ASIC2: variants seen among roughly 807,000 people sequenced by gnomAD.
ASIC2 encodes acid-sensing ion channel 2.
Under a neutral mutation model 57.3 loss-of-function variants are expected in ASIC2, and 25 were observed. The observed-to-expected ratio is 0.44, with a 90% CI of 0.32 to 0.61. The LOEUF (loss-of-function observed/expected upper bound fraction) is 0.61. Ranked by LOEUF, ASIC2 falls within the 20% of genes least tolerant of loss-of-function variation. The probability of loss-of-function intolerance (pLI) is 0.06; values close to 1 mark genes in which losing one functional copy is unlikely to be tolerated. For missense variants in ASIC2, 641 were observed against 738.1 expected (o/e 0.87, Z 1.52); for synonymous variants, 319 against 307.5 (o/e 1.04, Z -0.39).
chr17:33,192,456 C>A (rs571272163), intron 1 of ASIC2, among the ~76,000 whole-genome samples: 1 of 144,672 alleles, frequency 6.9e-6, no homozygotes, highest in Non-Finnish European at 1.5e-5. Context: ...AAACAAAACA[C>A]AACCAAAAAA....
At chr17:33,914,433 C>T (rs1175497765) in intron 1 of ASIC2, among the ~76,000 whole-genome samples, 1 of 152,096 alleles carries the variant, frequency 6.6e-6, no homozygotes, top group Non-Finnish European at 1.5e-5. Context: ...GCAATAGAGG[C>T]CCTGACAAAA....
intron 3 of ASIC2, among the ~76,000 whole-genome samples, chr17:33,086,812 T>C (rs1293115872): frequency 4.6e-5 from 7 of 152,184 alleles, no homozygotes; most frequent in Admixed American, 4.6e-4. Context: ...GGTAGGAGCC[T>C]AACTAACTTC....
intron 1 of ASIC2, among the ~76,000 whole-genome samples, chr17:33,944,411 A>T (rs1036092407): frequency 6.6e-6 from 1 of 152,222 alleles, no homozygotes; most frequent in Non-Finnish European, 1.5e-5. Flanking sequence ...CTTGATCATT[A>T]GGAATGCACC....
intron 1 of ASIC2, among the ~76,000 whole-genome samples, chr17:33,695,431 TA>T (rs869263561): frequency 1.3e-5 from 2 of 152,178 alleles, no homozygotes; most frequent in Non-Finnish European, 2.9e-5. Context: ...GTAGTTTTTT[TA>T]AAAAATTAAA....
At chr17:33,690,832 C>T (rs1345876887) in intron 1 of ASIC2, among the ~76,000 whole-genome samples, 3 of 147,982 alleles carry the variant, frequency 2.0e-5, no homozygotes, top group Non-Finnish European at 4.4e-5. Context: ...TCACTGCAAG[C>T]TCCACCTCCC....
At chr17:33,083,176 C>T (rs1226358944) in intron 3 of ASIC2, among the ~76,000 whole-genome samples, 2 of 152,144 alleles carry the variant, frequency 1.3e-5, no homozygotes, top group Non-Finnish European at 2.9e-5. Context: ...CAACAACTCA[C>T]ATTTATGGAT....
chr17:34,113,003 A>C (rs1234428395), intron 1 of ASIC2, among the ~76,000 whole-genome samples: 1 of 152,160 alleles, frequency 6.6e-6, no homozygotes, highest in Non-Finnish European at 1.5e-5. Flanking sequence ...TCAGACATGA[A>C]ACACATTCAT....
At chr17:34,037,060 A>G (rs1907916154) in intron 1 of ASIC2, 1 of 152,668 alleles carries the variant, frequency 6.6e-6, no homozygotes, top group Non-Finnish European at 1.5e-5. Context: ...ATGTTTTTAA[A>G]AATTGAAATT....
chr17:33,676,691 A>C (rs112016195), intron 1 of ASIC2, among the ~76,000 whole-genome samples: 6,172 of 152,354 alleles, frequency 0.041, 315 homozygotes, highest in African/African-American at 0.12. Flanking sequence ...CCATCTCCAC[A>C]ACATAAAAGT....
intron 1 of ASIC2, among the ~76,000 whole-genome samples, chr17:33,585,226 G>GCAAGAGCCAGGCAGGC (rs1253436400): frequency 5.3e-5 from 4 of 75,302 alleles, no homozygotes; most frequent in Admixed American, 4.9e-4. Context: ...TTGAATCAGG[G>GCAAGAGCCAGGCAGGC]CAAGAGCCAG....
At chr17:33,886,045 G>A (rs537601921) in intron 1 of ASIC2, among the ~76,000 whole-genome samples, 1 of 152,256 alleles carries the variant, frequency 6.6e-6, no homozygotes, top group East Asian at 1.9e-4. Context: ...TATCAGTCAG[G>A]ATCAATAAAA....
At chr17:33,416,508 C>G (rs914241395) in intron 1 of ASIC2, among the ~76,000 whole-genome samples, 1 of 152,140 alleles carries the variant, frequency 6.6e-6, no homozygotes, top group African/African-American at 2.4e-5. Flanking sequence ...GGAGGGCAGT[C>G]CCTGATAGGA....
chr17:33,356,683 C>T (rs1192760546), intron 1 of ASIC2, among the ~76,000 whole-genome samples: 1 of 152,172 alleles, frequency 6.6e-6, no homozygotes, highest in Non-Finnish European at 1.5e-5. Context: ...ACCCAGTGCA[C>T]TCAGGGCCAA....
chr17:33,117,380 TG>T (rs2092285397), intron 1 of ASIC2, among the ~76,000 whole-genome samples: 1 of 152,084 alleles, frequency 6.6e-6, no homozygotes, highest in African/African-American at 2.4e-5. Context: ...TTCACCATGT[TG>T]GCCAGGCTGG....
chr17:33,565,857 AC>A (rs1916217898), intron 1 of ASIC2: 1 of 152,236 alleles, frequency 6.6e-6, no homozygotes, highest in South Asian at 2.1e-4. Context: ...TGAAGGTGAA[AC>A]CAGCACTGAG....
At chr17:33,225,788 A>G (rs1210183780) in intron 1 of ASIC2, among the ~76,000 whole-genome samples, 1 of 152,244 alleles carries the variant, frequency 6.6e-6, no homozygotes, top group East Asian at 1.9e-4. Context: ...CTCAGCCACC[A>G]GCAGCCAGGA....
At chr17:33,436,763 G>C (rs546459676) in intron 1 of ASIC2, among the ~76,000 whole-genome samples, 1 of 151,638 alleles carries the variant, frequency 6.6e-6, no homozygotes, top group African/African-American at 2.4e-5. Context: ...CTGTACGAGG[G>C]TGATAGGGAG....
At chr17:33,997,690 T>G (rs1445018761) in intron 1 of ASIC2, among the ~76,000 whole-genome samples, 2 of 152,214 alleles carry the variant, frequency 1.3e-5, no homozygotes, top group Non-Finnish European at 1.5e-5. Context: ...GATTTGTGTA[T>G]GCTGAATCAT....
chr17:33,442,835 T>C (rs1597729104), intron 1 of ASIC2, among the ~76,000 whole-genome samples: 1 of 152,222 alleles, frequency 6.6e-6, no homozygotes, highest in African/African-American at 2.4e-5. Flanking sequence ...TTAATGGCAG[T>C]TGACATTCTT....
Sources: gnomAD v4.1 joint callset for allele counts (sites outside exome capture counted in the v4.1 genomes callset) on GRCh38, gnomAD v4.1.1 for gene constraint, MANE v1.5 for transcripts, NCBI Gene and HGNC (gene_info 2026-07-23, HGNC 2026-07-21) for gene names.